The following LUZP2 variants were observed in gnomAD, a reference collection of about 807,000 sequenced individuals.
The protein encoded by LUZP2 is leucine zipper protein 2.
Under a neutral mutation model 51.6 loss-of-function variants are expected in LUZP2, and 52 were observed. That is an observed-to-expected ratio of 1.01 (90% CI 0.81 to 1.27). The LOEUF is 1.27. LUZP2 is among the 50% of genes most tolerant of loss of function. The pLI is 0.00. For missense variants in LUZP2, 436 were observed against 395.4 expected (o/e 1.10, Z -0.87); for synonymous variants, 154 against 137.3 (o/e 1.12, Z -0.85).
At chr11:24,569,822 A>G (rs1423396900) in intron 1 of LUZP2, among the ~76,000 whole-genome samples, 2 of 152,034 alleles carry the variant, frequency 1.3e-5, no homozygotes, top group African/African-American at 4.8e-5. Flanking sequence ...ATGGAATAGT[A>G]TGGGGAATCT....
In LUZP2 at chr11:24,934,040, A is replaced by G. The variant is rs151181495; in HGVS notation, c.522+19502A>G. Among the ~76,000 whole-genome samples, 1,472 of 152,312 alleles carry G rather than the reference A, an allele frequency of 9.7e-3. 19 individuals are homozygous for G. Among genetic ancestry groups the G allele is most frequent in the South Asian group, 0.045 (216 of 4,824 alleles). ...TCGTACAAAGTACATTCTCAAGGGT[A>G]GGGGAATATCACAAAGTACATTATC... On this transcript the variant is annotated intron_variant, in intron 7 of 11. Transcript: ENST00000336930.
intron 1 of LUZP2, among the ~76,000 whole-genome samples, chr11:24,532,326 AAT>A (rs1590146152): frequency 6.6e-6 from 1 of 150,978 alleles, no homozygotes; most frequent in East Asian, 1.9e-4. Flanking sequence ...TTCTTTGAGA[AAT>A]ATGACTATTG....
At chr11:25,069,501 G>A (rs4586109) in intron 10 of LUZP2, among the ~76,000 whole-genome samples, 136,499 of 151,804 alleles carry the variant, frequency 0.9, 62,351 homozygotes, top group Non-Finnish European at 0.98. Flanking sequence ...CCAGCTACAC[G>A]TACAACATCT....
intron 1 of LUZP2, among the ~76,000 whole-genome samples, chr11:24,681,759 C>T (rs1179214933): frequency 6.6e-6 from 1 of 152,130 alleles, no homozygotes; most frequent in Non-Finnish European, 1.5e-5. Flanking sequence ...ATAAACTTCA[C>T]TTTTCTCTCT....
chr11:24,546,900 G>A (rs1851562579), intron 1 of LUZP2, among the ~76,000 whole-genome samples: 1 of 151,468 alleles, frequency 6.6e-6, no homozygotes, highest in African/African-American at 2.4e-5. Context: ...AATCTATCTG[G>A]TCCTGTTTTT....
At chr11:24,512,892 G>A (rs535212095) in intron 1 of LUZP2, among the ~76,000 whole-genome samples, 1 of 152,016 alleles carries the variant, frequency 6.6e-6, no homozygotes, top group South Asian at 2.1e-4. Flanking sequence ...TGGGACTGCA[G>A]GCACATGCTG....
At chr11:24,876,221 A>G (rs957169405) in intron 5 of LUZP2, among the ~76,000 whole-genome samples, 2 of 147,542 alleles carry the variant, frequency 1.4e-5, no homozygotes, top group African/African-American at 5.0e-5. Flanking sequence ...TAGGGTTTTT[A>G]TGGTTTTAGG....
At chr11:25,076,659 G>T (rs1456748123) in intron 10 of LUZP2, among the ~76,000 whole-genome samples, 1 of 142,196 alleles carries the variant, frequency 7.0e-6, no homozygotes, top group Non-Finnish European at 1.5e-5. Flanking sequence ...GGAAGGGAGG[G>T]AGGGAAGGAG....
At chr11:24,609,729 CAAAAAAAAAAAAAAAA>C (rs34436907) in intron 1 of LUZP2, among the ~76,000 whole-genome samples, 6 of 65,898 alleles carry the variant, frequency 9.1e-5, no homozygotes, top group Non-Finnish European at 1.5e-4. Flanking sequence ...GACTCCAGCT[CAAAAAAAAAAAAAAAA>C]AAAAAAAAAA....
At chr11:24,857,228 A>C (rs1042989943) in intron 5 of LUZP2, among the ~76,000 whole-genome samples, 2 of 150,008 alleles carry the variant, frequency 1.3e-5, no homozygotes, top group African/African-American at 4.9e-5. Flanking sequence ...TTTACAGTCC[A>C]TGTATCCCCA....
intron 1 of LUZP2, among the ~76,000 whole-genome samples, chr11:24,719,470 C>T (rs1399660061): frequency 6.6e-6 from 1 of 152,118 alleles, no homozygotes; most frequent in African/African-American, 2.4e-5. Context: ...TGACAAAATT[C>T]AAAATAATAA....
At chr11:24,999,587 T>G (rs1382981813) in intron 9 of LUZP2, among the ~76,000 whole-genome samples, 1 of 150,270 alleles carries the variant, frequency 6.7e-6, no homozygotes, top group African/African-American at 2.4e-5. Flanking sequence ...AGGATGGTCT[T>G]AATCCCTTGA....
chr11:24,602,090 A>ATG (rs1565020269), intron 1 of LUZP2, among the ~76,000 whole-genome samples: 5 of 85,718 alleles, frequency 5.8e-5, no homozygotes, highest in African/African-American at 1.9e-4. Flanking sequence ...ATGTGTATAT[A>ATG]TGTATATATG....
In LUZP2 at chr11:24,897,348, C is replaced by T. The variant is rs117323855; in HGVS notation, c.397-8643C>T. Among the ~76,000 whole-genome samples, 1,178 of 152,276 alleles carry T rather than the reference C, an allele frequency of 7.7e-3. 16 individuals are homozygous for T. Among genetic ancestry groups the T allele is most frequent in the East Asian group, 0.055 (287 of 5,174 alleles). On this transcript the variant is annotated intron_variant, in intron 5 of 11. Coordinates refer to ENST00000336930, the MANE Select transcript of LUZP2 (RefSeq NM_001009909.4). ...CCTCTGTGGAAGCTTTGTTGTTTTG[C>T]TCTTTGCAATAAATCTTGTTCTGCT...
At chr11:24,709,053 G>A (rs928437328) in intron 1 of LUZP2, among the ~76,000 whole-genome samples, 3 of 152,170 alleles carry the variant, frequency 2.0e-5, no homozygotes, top group African/African-American at 7.2e-5. Context: ...AGTAGAAAGA[G>A]TTAAGCAAAG....
chr11:24,636,979 A>G (rs1046115870), intron 1 of LUZP2, among the ~76,000 whole-genome samples: 2 of 151,642 alleles, frequency 1.3e-5, no homozygotes, highest in African/African-American at 4.9e-5. Flanking sequence ...TATATTAAAA[A>G]CTATCAGTGT....
chr11:24,535,598 C>A (rs1851152844), intron 1 of LUZP2, among the ~76,000 whole-genome samples: 1 of 151,526 alleles, frequency 6.6e-6, no homozygotes, highest in Non-Finnish European at 1.5e-5. Context: ...CATAAAGGTG[C>A]AAATTCAGTT....
At chr11:25,009,938 T>C (rs1202349278) in intron 9 of LUZP2, among the ~76,000 whole-genome samples, 1 of 152,218 alleles carries the variant, frequency 6.6e-6, no homozygotes, top group African/African-American at 2.4e-5. Flanking sequence ...AAGGATATTT[T>C]AGTCTACCTT....
At chr11:25,028,987 C>T (rs1209957365) in intron 9 of LUZP2, among the ~76,000 whole-genome samples, 1 of 152,130 alleles carries the variant, frequency 6.6e-6, no homozygotes, top group Non-Finnish European at 1.5e-5. Flanking sequence ...CACGGAAAGA[C>T]AAGCATCACA....
Sources: allele counts gnomAD v4.1 joint callset (sites outside exome capture counted in the v4.1 genomes callset), GRCh38; gene constraint gnomAD v4.1.1; transcripts MANE v1.5; gene names NCBI Gene and HGNC (gene_info 2026-07-23, HGNC 2026-07-21).